PHF2: variants seen among roughly 807,000 people sequenced by gnomAD.
The protein encoded by PHF2 is lysine-specific demethylase PHF2.
A neutral mutation model predicts 120.5 loss-of-function variants in PHF2; 27 were observed. The ratio of observed to expected loss-of-function variants is 0.22; its 90% confidence interval spans 0.17 to 0.31. PHF2 has a LOEUF of 0.31. Ranked by LOEUF, PHF2 falls within the 10% of genes least tolerant of loss-of-function variation. PHF2 has a pLI of 1.00. For missense variants in PHF2, 1,024 were observed against 1,434.8 expected (o/e 0.71, Z 4.63); for synonymous variants, 568 against 592.5 (o/e 0.96, Z 0.60).
intron 1 of PHF2, among the ~76,000 whole-genome samples, chr9:93,583,602 T>C (rs1232557576): frequency 6.6e-6 from 1 of 152,026 alleles, no homozygotes; most frequent in Non-Finnish European, 1.5e-5. Context: ...AAAGCTATTC[T>C]AGTGGGTATA....
intron 16 of PHF2, among the ~76,000 whole-genome samples, chr9:93,666,705 T>C (rs1017483960): frequency 2.0e-5 from 3 of 152,050 alleles, no homozygotes; most frequent in African/African-American, 7.2e-5. Context: ...CTGAGGTGGG[T>C]GGATCACAAG....
intron 1 of PHF2, among the ~76,000 whole-genome samples, chr9:93,589,989 G>A (rs1379687550): frequency 2.0e-5 from 3 of 152,224 alleles, no homozygotes; most frequent in African/African-American, 4.8e-5. Flanking sequence ...TTTCTCATCC[G>A]AGGCCACTGC....
In PHF2 at chr9:93,654,525, A is replaced by G. The variant is rs1337826439; in HGVS notation, c.902A>G (p.Lys301Arg). The G allele has an allele frequency of 1.9e-6, 3 of 1,613,926 alleles. No individual in the cohort carries two copies. The highest frequency in any genetic ancestry group is 3.3e-5 in the Admixed American group (2 of 60,014). The change falls in exon 7 of 22, where the codon AAA becomes AGA. Residue 301 changes from lysine to arginine, a missense_variant. By Grantham distance (26) the Lys-to-Arg change is conservative. This residue lies in a region of PHF2 where 347 missense variants were observed against 577.4 expected (regional missense o/e 0.60). Coordinates refer to ENST00000359246, the MANE Select transcript of PHF2 (RefSeq NM_005392.4). ...ATGTTCTTTGCTGACCAGGTCGACA[A>G]ATGCTACAAGTGCATCGTCAAGCAG... is the stretch of plus-strand genomic sequence containing the variant. ...SEMFFADQVD[K>R]CYKCIVKQGQ...
intron 1 of PHF2, among the ~76,000 whole-genome samples, chr9:93,604,576 T>A (rs2131619965): frequency 6.6e-6 from 1 of 152,006 alleles, no homozygotes; most frequent in East Asian, 1.9e-4. Flanking sequence ...GCCATTCTCC[T>A]GCCTCAGCCT....
chr9:93,658,388 CG>C, intron 10 of PHF2, 152 bp downstream of exon 10: 2 of 674,794 alleles, frequency 3.0e-6, no homozygotes, highest in South Asian at 1.7e-5. Context: ...TGGCTTGGCC[CG>C]GGGTGTGCCT....
chr9:93,608,953 T>G (rs1825589646), intron 1 of PHF2, among the ~76,000 whole-genome samples: 1 of 151,954 alleles, frequency 6.6e-6, no homozygotes, highest in South Asian at 2.1e-4. Context: ...TCCTGTTTAT[T>G]GCTCCTGTTA....
chr9:93,642,762 ACT>A (rs1443552067), intron 3 of PHF2, among the ~76,000 whole-genome samples: 4 of 151,984 alleles, frequency 2.6e-5, no homozygotes, highest in East Asian at 1.9e-4. Flanking sequence ...TCTGAAAAAT[ACT>A]CTGTTTTCTC....
At chr9:93,636,746 G>T (rs1017851159) in intron 3 of PHF2, among the ~76,000 whole-genome samples, 1 of 152,188 alleles carries the variant, frequency 6.6e-6, no homozygotes, top group Non-Finnish European at 1.5e-5. Context: ...CACTTCCCTG[G>T]GGGTGGGGGA....
At chr9:93,599,247 C>CCGTCAT (rs1294105155) in intron 1 of PHF2, among the ~76,000 whole-genome samples, 1 of 152,174 alleles carries the variant, frequency 6.6e-6, no homozygotes, top group African/African-American at 2.4e-5. Flanking sequence ...TTTATTTTTA[C>CCGTCAT]CGTCATCGTC....
chr9:93,637,459 G>GT (rs1313167909), intron 3 of PHF2, among the ~76,000 whole-genome samples: 1 of 151,956 alleles, frequency 6.6e-6, no homozygotes, highest in Non-Finnish European at 1.5e-5. Context: ...CATCATCCCT[G>GT]TCTTCTCATC....
intron 1 of PHF2, among the ~76,000 whole-genome samples, chr9:93,585,682 C>T (rs904446429): frequency 2.0e-5 from 3 of 152,234 alleles, no homozygotes; most frequent in African/African-American, 7.2e-5. Flanking sequence ...CCTGGGGCTG[C>T]CAGACTCAGG....
rs531082704 is a variant in PHF2 at position 93,592,255 on chromosome 9, A to G, written c.98+15384A>G. On this transcript the variant is annotated intron_variant, in intron 1 of 21. Coordinates refer to ENST00000359246, the MANE Select transcript of PHF2 (RefSeq NM_005392.4). ...AAACTCCTGGGGGATCCCTGGGAAGATAGTTGCCTCTGCAGGGGCTGCTGG... is the reference window on the plus strand; with the variant it reads ...AAACTCCTGGGGGATCCCTGGGAAGGTAGTTGCCTCTGCAGGGGCTGCTGG... 2.0e-5 allele frequency among the ~76,000 whole-genome samples: 3 copies of G among 152,252 alleles called. No homozygotes were observed. The South Asian group carries it at 6.2e-4, about 32-fold the overall frequency.
At chr9:93,666,774 C>CA (rs1826689366) in intron 16 of PHF2, among the ~76,000 whole-genome samples, 1 of 152,006 alleles carries the variant, frequency 6.6e-6, no homozygotes, top group Non-Finnish European at 1.5e-5. Flanking sequence ...ACTAAAAATA[C>CA]AAAAAATTAG....
chr9:93,578,234 G>A lies in PHF2; in HGVS notation c.98+1363G>A, dbSNP rs572980922. On this transcript the variant is annotated intron_variant, in intron 1 of 21. Transcript: ENST00000359246. The stretch of plus-strand genomic sequence containing the variant: ...GTTAGAAGGGCCTGGGACTCTGTGG[G>A]GTGGGGATGCCCACGGAAATCTGGG... Among the ~76,000 whole-genome samples, 20 of 152,308 alleles carry A rather than the reference G, an allele frequency of 1.3e-4. No individual in the cohort carries two copies. The South Asian group carries it at 3.9e-3, about 30-fold the overall frequency.
intron 4 of PHF2, 131 bp from the exon 5 acceptor site, chr9:93,648,940 G>A (rs939710115): frequency 1.1e-5 from 11 of 997,698 alleles, no homozygotes; most frequent in African/African-American, 3.2e-5. Flanking sequence ...TAGAGCCTCC[G>A]CATCCAGCCC....
At chr9:93,662,754 C>T (rs78266236) in intron 12 of PHF2, among the ~76,000 whole-genome samples, 153 bp from the exon 13 acceptor site, 1,975 of 150,858 alleles carry the variant, frequency 0.013, 50 homozygotes, top group African/African-American at 0.046. Flanking sequence ...ATGGGTACAT[C>T]GATGGGTGGG....
At chr9:93,578,687 G>A (rs1031621495) in intron 1 of PHF2, among the ~76,000 whole-genome samples, 3 of 152,182 alleles carry the variant, frequency 2.0e-5, no homozygotes, top group Admixed American at 6.5e-5. Context: ...ACTAGACTTC[G>A]AGGCCAAGGG....
intron 1 of PHF2, among the ~76,000 whole-genome samples, chr9:93,598,727 C>A (rs1489871843): frequency 1.3e-5 from 2 of 152,180 alleles, no homozygotes; most frequent in East Asian, 3.9e-4. Flanking sequence ...TTTCCTCAGT[C>A]CCCATCCCAG....
chr9:93,608,398 GTT>G (rs35097935), intron 1 of PHF2, among the ~76,000 whole-genome samples: 3 of 142,708 alleles, frequency 2.1e-5, no homozygotes, highest in Admixed American at 1.4e-4. Context: ...TTGATTGGTA[GTT>G]TTTTTTTTTT....
Sources: gnomAD v4.1 joint callset for allele counts (sites outside exome capture counted in the v4.1 genomes callset) on GRCh38, gnomAD v4.1.1 for gene constraint, gnomAD v4.1.1 regional missense constraint, MANE v1.5 for transcripts, NCBI Gene and HGNC (gene_info 2026-07-23, HGNC 2026-07-21) for gene names.